RPL22: variants seen among roughly 807,000 people sequenced by gnomAD.
RPL22 encodes ribosomal protein L22, also known as large ribosomal subunit protein eL22.
Under a neutral mutation model 16.2 loss-of-function variants are expected in RPL22, and 4 were observed. That is an observed-to-expected ratio of 0.25 (90% CI 0.12 to 0.57). The LOEUF is 0.57. Ranked by LOEUF, RPL22 falls within the 20% of genes least tolerant of loss-of-function variation. The probability of loss-of-function intolerance (pLI) is 0.92; values close to 1 mark genes in which losing one functional copy is unlikely to be tolerated. For missense variants in RPL22, 83 were observed against 156.1 expected (o/e 0.53, Z 2.49); for synonymous variants, 43 against 54.8 (o/e 0.78, Z 0.95).
At position 6,197,932 on chromosome 1, in the gene RPL22, T is replaced by C. The variant is rs559504203; in HGVS notation, c.13-176A>G. On this transcript the variant is annotated intron_variant, in intron 1 of 3. Coordinates refer to ENST00000234875, the MANE Select transcript of RPL22 (RefSeq NM_000983.4). The stretch of plus-strand genomic sequence containing the variant: ...CACTGCCTGAGTGCCAGAGGTATAA[T>C]GGGGCAGATGCTGCTGTACAAGCTT... 33 of 616,554 alleles carry C rather than the reference T, an allele frequency of 5.4e-5. No homozygotes were observed. In the African/African-American group the frequency reaches 6.1e-4, roughly 11 times the overall value. The allele number at this position is 616,554 out of a possible 1,614,324, so 38.2% of individuals were successfully genotyped here.
Position 6,185,340 on chromosome 1 carries a change from A to G in RPL22, c.*1332T>C. ...AACTGATGCCTCAGTGAAGTTTGAA[A>G]GAAACTCTGCTTTCTGTGACGGCAG... On this transcript the variant is annotated 3_prime_UTR_variant, in exon 4 of 4. Transcript: ENST00000234875. The G allele has an allele frequency of 2.5e-6, 1 of 399,106 alleles. No individual in the cohort carries two copies. Among genetic ancestry groups the G allele is most frequent in the East Asian group, 3.6e-5 (1 of 28,080 alleles). 24.7% of individuals were successfully genotyped at this position (399,106 alleles called of 1,614,324 possible).
chr1:6,197,592 T>G, intron 2 of RPL22, 60 bp downstream of exon 2: 1 of 1,137,762 alleles, frequency 8.8e-7, no homozygotes, highest in Non-Finnish European at 1.3e-6. Context: ...CCAGTAGGTT[T>G]TCTCAACAGT....
At chr1:6,193,970 C>G (rs1667685173) in intron 2 of RPL22, among the ~76,000 whole-genome samples, 1 of 152,054 alleles carries the variant, frequency 6.6e-6, no homozygotes, top group African/African-American at 2.4e-5. Flanking sequence ...CTTTGAGAGG[C>G]TGAGGTGGGT....
At chr1:6,187,861 T>G (rs1667602167) in intron 3 of RPL22, among the ~76,000 whole-genome samples, 1 of 152,114 alleles carries the variant, frequency 6.6e-6, no homozygotes, top group Admixed American at 6.5e-5. Context: ...CTTTTGAGGT[T>G]GTCTGGATGA....
At chr1:6,192,041 C>T (rs2100904303) in intron 3 of RPL22, among the ~76,000 whole-genome samples, 1 of 149,930 alleles carries the variant, frequency 6.7e-6, no homozygotes, top group South Asian at 2.1e-4. Flanking sequence ...GATCTAGAGA[C>T]AGGAGGCAAT....
rs200101942 is a variant in RPL22 at position 6,192,959 on chromosome 1, G to C, written c.213C>G (p.Thr71=). The C allele has an allele frequency of 7.4e-6, 12 of 1,613,728 alleles. No homozygotes were observed. In the Admixed American group the frequency reaches 1.0e-4, roughly 13 times the overall value. ...TGGAGAAAGGCACCTCGGATGTCAC[G>C]GTGATCTTGCTCTTGCTCCTTTCGA... ...VTIERSKSKI[T]VTSEVPFSKR... is the part of the protein sequence containing the mutation. The change falls in exon 3 of 4, where the codon ACC becomes ACG. Residue 71 remains threonine, a synonymous_variant. Coordinates refer to ENST00000234875, the MANE Select transcript of RPL22 (RefSeq NM_000983.4).
Position 6,186,178 on chromosome 1 carries a change from T to C in RPL22, c.*494A>G. The C allele has an allele frequency of 4.2e-6, 1 of 236,414 alleles. No individual in the cohort carries two copies. The highest frequency in any genetic ancestry group is 8.3e-6 in the Non-Finnish European group (1 of 120,344). The allele number at this position is 236,414 out of a possible 1,614,324, so 14.6% of individuals were successfully genotyped here. On this transcript the variant is annotated 3_prime_UTR_variant, in exon 4 of 4. Coordinates refer to ENST00000234875, the MANE Select transcript of RPL22 (RefSeq NM_000983.4). ...GGATTAGCAGACATAATTGTGTGCG[T>C]CAAGAGAAATTTGTAATCAAAAAAT...
intron 2 of RPL22, among the ~76,000 whole-genome samples, chr1:6,195,121 A>C (rs1667699146): frequency 1.3e-5 from 2 of 151,356 alleles, no homozygotes; most frequent in African/African-American, 4.9e-5. Context: ...TGGGCAACAG[A>C]GCAAGACTCC....
chr1:6,195,211 C>T (rs913379704), intron 2 of RPL22, among the ~76,000 whole-genome samples: 8 of 149,968 alleles, frequency 5.3e-5, no homozygotes, highest in African/African-American at 9.8e-5. Flanking sequence ...TTTGGGAGCC[C>T]GAGGCAGGCG....
rs575282924 is a variant in RPL22, at chr1:6,192,593, G to A, written c.242+337C>T. Among the ~76,000 whole-genome samples, 45 of 152,258 alleles carry A rather than the reference G, an allele frequency of 3.0e-4. No homozygotes were observed. The East Asian group carries it at 8.1e-3, about 27-fold the overall frequency. ...AGGTGCCTGTAGTCTCAGCTACTCA[G>A]GAGGCTGAGGCAGGACAACTGCTTG... On this transcript the variant is annotated intron_variant, in intron 3 of 3. Coordinates refer to ENST00000234875, the MANE Select transcript of RPL22 (RefSeq NM_000983.4).
At chr1:6,195,606 G>C (rs1157276484) in intron 2 of RPL22, among the ~76,000 whole-genome samples, 1 of 151,710 alleles carries the variant, frequency 6.6e-6, no homozygotes, top group Non-Finnish European at 1.5e-5. Flanking sequence ...ACACAAATTA[G>C]GTGGGCATGG....
At chr1:6,189,519 A>G (rs1261332770) in intron 3 of RPL22, among the ~76,000 whole-genome samples, 2 of 150,654 alleles carry the variant, frequency 1.3e-5, no homozygotes, top group South Asian at 4.2e-4. Flanking sequence ...TGATCACCCC[A>G]CTGCTCTCCA....
chr1:6,194,749 A>G (rs1394290184), intron 2 of RPL22, among the ~76,000 whole-genome samples: 1 of 152,042 alleles, frequency 6.6e-6, no homozygotes, highest in South Asian at 2.1e-4. Context: ...TTAGCTAGGT[A>G]TGGTGGTGCA....
intron 1 of RPL22, 138 bp downstream of exon 1, chr1:6,199,424 C>A (rs978596518): frequency 7.0e-7 from 1 of 1,433,198 alleles, no homozygotes; most frequent in Non-Finnish European, 9.2e-7. Context: ...GGGGCTCTGG[C>A]CCGCTCCGGC....
chr1:6,196,055 C>G (rs1460116895), intron 2 of RPL22, among the ~76,000 whole-genome samples: 1 of 152,150 alleles, frequency 6.6e-6, no homozygotes, highest in Non-Finnish European at 1.5e-5. Flanking sequence ...AAGAGCAAAA[C>G]TTGGTCTCAA....
rs138912465 is a variant in RPL22, at chr1:6,186,351, T to C, written c.*321A>G. On this transcript the variant is annotated 3_prime_UTR_variant, in exon 4 of 4. Coordinates refer to ENST00000234875, the MANE Select transcript of RPL22 (RefSeq NM_000983.4). ...CATTGAGAAAAGCAACAGATACAAC[T>C]GACAGTCACACTTTTTAAAATCAAA... The C allele has an allele frequency of 0.011, 3,070 of 290,284 alleles. 105 individuals are homozygous for C. Among genetic ancestry groups the C allele is most frequent in the African/African-American group, 0.062 (2,852 of 46,350 alleles). The allele number at this position is 290,284 out of a possible 1,614,324, so 18.0% of individuals were successfully genotyped here. A position where few individuals can be genotyped will look rare whatever the true frequency, so the allele number is the denominator to read the frequency against.
At chr1:6,196,029 C>T (rs926157401) in intron 2 of RPL22, among the ~76,000 whole-genome samples, 4 of 152,168 alleles carry the variant, frequency 2.6e-5, no homozygotes, top group Non-Finnish European at 5.9e-5. Context: ...CACCATTGCA[C>T]TCCAGCCTGG....
At chr1:6,194,600 T>G (rs962679195) in intron 2 of RPL22, among the ~76,000 whole-genome samples, 3 of 152,188 alleles carry the variant, frequency 2.0e-5, no homozygotes, top group Non-Finnish European at 4.4e-5. Flanking sequence ...CAAAATATGT[T>G]AACTGGCTGG....
chr1:6,195,062 G>A (rs561325586), intron 2 of RPL22, among the ~76,000 whole-genome samples: 256 of 151,976 alleles, frequency 1.7e-3, no homozygotes, highest in African/African-American at 5.5e-3. Context: ...GCATGAACAC[G>A]GTAGGCGGAG....
Sources: allele counts gnomAD v4.1 joint callset (sites outside exome capture counted in the v4.1 genomes callset), GRCh38; gene constraint gnomAD v4.1.1; transcripts MANE v1.5; gene names NCBI Gene and HGNC (gene_info 2026-07-23, HGNC 2026-07-21).